The following PKD1L1 variants were observed in gnomAD, a reference collection of about 807,000 sequenced individuals.
PKD1L1 encodes polycystin 1 like 1, transient receptor potential channel interacting.
In PKD1L1, 236 loss-of-function variants were observed where a neutral mutation model predicts 323.4. The ratio of observed to expected loss-of-function variants is 0.73; its 90% CI spans 0.66 to 0.81. PKD1L1 has a LOEUF of 0.81. Ranked by LOEUF, PKD1L1 falls within the 40% of genes least tolerant of loss-of-function variation. The probability of loss-of-function intolerance (pLI) is 0.00; values close to 1 mark genes in which losing one functional copy is unlikely to be tolerated. For missense variants in PKD1L1, 3,320 were observed against 3,508.0 expected, an observed-to-expected ratio of 0.95 and a Z score of 1.35; for synonymous variants, 1,344 against 1,335.0, an observed-to-expected ratio of 1.01 and a Z score of -0.15.
chr7:47,813,012 G>T, intron 49 of PKD1L1, 109 bp downstream of exon 49: 2 of 1,362,980 alleles, frequency 1.5e-6, no homozygotes, highest in Non-Finnish European at 1.0e-6. Flanking sequence ...TGACCTCGCA[G>T]GCCTGTCAGG....
At chr7:47,876,300 C>T (rs1449271001) in intron 22 of PKD1L1, 83 bp from the exon 23 acceptor site, 1 of 1,459,786 alleles carries the variant, frequency 6.9e-7, no homozygotes, top group Non-Finnish European at 9.4e-7. Flanking sequence ...CACAGCTGAG[C>T]CTTCATTGTA....
Position 47,881,917 on chromosome 7 carries a change from G to A in PKD1L1, c.3434C>T (p.Ser1145Leu), listed in dbSNP as rs1367941416. ...LLGRAVFQGY[S>L]SSGITEQTVT... The stretch of plus-strand genomic sequence containing the variant: ...AAAGAGGACATTCATACCTGAGGAT[G>A]AATAGCCTTGGAAAACTGCTCGACC... The change falls in exon 20 of 57, where the codon TCA (serine) becomes TTA (leucine). Residue 1145 changes from serine to leucine, a missense_variant. Coordinates refer to ENST00000289672, the MANE Select transcript of PKD1L1 (RefSeq NM_138295.5). 3 of 1,595,938 alleles carry A rather than the reference G, an allele frequency of 1.9e-6. No homozygotes were observed. The highest frequency in any genetic ancestry group is 1.7e-6 in the Non-Finnish European group (2 of 1,173,850).
At chr7:47,818,430 T>G (rs1193967218) in intron 46 of PKD1L1, among the ~76,000 whole-genome samples, 1 of 152,260 alleles carries the variant, frequency 6.6e-6, no homozygotes, top group African/African-American at 2.4e-5. Flanking sequence ...TTTTAAAGAA[T>G]AAAGTATAGA....
chr7:47,824,845 CA>C (rs934981955), intron 45 of PKD1L1, among the ~76,000 whole-genome samples: 2 of 152,186 alleles, frequency 1.3e-5, no homozygotes, highest in African/African-American at 4.8e-5. Flanking sequence ...GTCCCTCCAG[CA>C]AGACGTGTGG....
intron 50 of PKD1L1, 87 bp from the exon 51 acceptor site, chr7:47,809,664 G>C: frequency 2.1e-6 from 2 of 931,186 alleles, no homozygotes; most frequent in Non-Finnish European, 3.1e-6. Flanking sequence ...CAGCTCCCCT[G>C]CCAATCACCT....
In PKD1L1 at chr7:47,839,658, G is replaced by A. The variant is rs1002732318; in HGVS notation, c.5557C>T (p.Pro1853Ser). The A allele has an allele frequency of 1.3e-5, 20 of 1,564,074 alleles. No individual in the cohort carries two copies. Among genetic ancestry groups the A allele is most frequent in the Admixed American group, 7.6e-5 (4 of 52,822 alleles). The change falls in exon 36 of 57, where the codon CCT (proline) becomes TCT (serine). Residue 1853 changes from proline to serine, a missense_variant. Physicochemically the swap from Pro to Ser is moderately conservative, Grantham distance 74 (BLOSUM62 -1). Transcript: ENST00000289672. The surrounding 1 kb of genome is among the most constrained non-coding windows in gnomAD (Gnocchi z 4.3). ...NSRHTFILSA[P>S]AQLGLLRKIR... The stretch of plus-strand genomic sequence containing the variant: ...TTCCTCAGCAGGCCCAGTTGGGCAG[G>A]AGCGCTGGAGGCACACACAGCAGCA...
intron 31 of PKD1L1, among the ~76,000 whole-genome samples, chr7:47,848,886 C>T (rs1274944519): frequency 6.6e-6 from 1 of 152,112 alleles, no homozygotes; most frequent in Admixed American, 6.5e-5. Flanking sequence ...AATCACATAG[C>T]CAAAGCAATA....
intron 9 of PKD1L1, 119 bp from the exon 10 acceptor site, chr7:47,906,081 T>A: frequency 9.8e-7 from 1 of 1,022,606 alleles, no homozygotes; most frequent in Non-Finnish European, 1.4e-6. Flanking sequence ...TCAATAAATT[T>A]CAAAATTCTA....
At chr7:47,834,479 T>C (rs908812062) in intron 39 of PKD1L1, 94 bp from the exon 40 acceptor site, 10 of 980,560 alleles carry the variant, frequency 1.0e-5, no homozygotes, top group Non-Finnish European at 1.4e-5. Flanking sequence ...CACTACTTTC[T>C]TCAGCAAATA....
rs752946939 is a variant in PKD1L1, at chr7:47,908,234, G to C, written c.1245C>G (p.Leu415=). Residue 415 remains leucine (L), a synonymous_variant, in exon 9 of 57, where the codon CTC becomes CTG. Coordinates refer to ENST00000289672, the MANE Select transcript of PKD1L1 (RefSeq NM_138295.5). ...SAFVTKGVYM[L]KAVIYNEFHG... ...GAAACTCGTTATAAATAACAGCCTT[G>C]AGCATATAGACTCCTTCTGGAAAAA... The C allele has an allele frequency of 3.1e-6, 5 of 1,613,740 alleles. No individual in the cohort carries two copies. The highest frequency in any genetic ancestry group is 2.2e-5 in the East Asian group (1 of 44,892).
At chr7:47,872,495 T>C (rs569281920) in intron 24 of PKD1L1, among the ~76,000 whole-genome samples, 1 of 152,204 alleles carries the variant, frequency 6.6e-6, no homozygotes, top group South Asian at 2.1e-4. Context: ...TTTAATTAGG[T>C]TATCCATTAT....
Position 47,809,572 on chromosome 7 carries a change from G to T in PKD1L1, c.7587C>A (p.Val2529=). 6.3e-7 allele frequency: 1 copy of T among 1,585,504 alleles called. No homozygotes were observed. The highest frequency in any genetic ancestry group is 8.6e-7 in the Non-Finnish European group (1 of 1,168,290). ...GGTGGATCAGGCTGAGTGCCAGGAA[G>T]ACCAGCTGGTGGAGAGAATGTAAAC... The part of the protein sequence containing the change: ...LQYHLMLPQL[V]FLALSLIHLC... Residue 2529 remains valine, a synonymous_variant, in exon 51 of 57, where the codon GTC becomes GTA. Transcript: ENST00000289672.
At position 47,893,799 on chromosome 7, in the gene PKD1L1, C is replaced by T. The variant is rs1342437007; in HGVS notation, c.2453+79G>A. 2.1e-6 allele frequency: 3 copies of T among 1,420,024 alleles called. No individual in the cohort carries two copies. The African/African-American group carries it at 4.3e-5, about 20-fold the overall frequency. The allele number at this position is 1,420,024 out of a possible 1,614,324, so 88.0% of individuals were successfully genotyped here. On this transcript the variant is annotated intron_variant, in intron 15 of 56. Coordinates refer to ENST00000289672, the MANE Select transcript of PKD1L1 (RefSeq NM_138295.5). ...GCTTAAAATTTAAAACTATTAATAGCCTCCAACGTTCCAGAGCCTGCATTT... is the reference window on the plus strand; with the variant it reads ...GCTTAAAATTTAAAACTATTAATAGTCTCCAACGTTCCAGAGCCTGCATTT...
At chr7:47,806,604 C>A (rs1391866969) in intron 52 of PKD1L1, among the ~76,000 whole-genome samples, 1 of 152,356 alleles carries the variant, frequency 6.6e-6, no homozygotes, top group Admixed American at 6.5e-5. Context: ...AAAATAGATA[C>A]ATTCTCTATT....
chr7:47,861,229 A>G (rs11769686), intron 26 of PKD1L1, among the ~76,000 whole-genome samples: 26,138 of 152,272 alleles, frequency 0.17, 2,421 homozygotes, highest in East Asian at 0.37. Context: ...TACAGTTTGT[A>G]TCTTAAGAGG....
intron 49 of PKD1L1, among the ~76,000 whole-genome samples, 176 bp from the exon 50 acceptor site, chr7:47,812,227 A>G (rs562111241): frequency 6.6e-6 from 1 of 152,206 alleles, no homozygotes; most frequent in South Asian, 2.1e-4. Flanking sequence ...AAGAGACCTC[A>G]TCAATAGCCC....
intron 56 of PKD1L1, among the ~76,000 whole-genome samples, chr7:47,780,628 C>CA (rs201158853): frequency 0.29 from 41,516 of 144,574 alleles, 6,003 homozygotes; most frequent in East Asian, 0.58. Context: ...GACTCCACCT[C>CA]AAAAAAAAAA....
At chr7:47,851,695 C>A (rs1317125277) in intron 31 of PKD1L1, among the ~76,000 whole-genome samples, 2 of 152,100 alleles carry the variant, frequency 1.3e-5, no homozygotes, top group South Asian at 2.1e-4. Context: ...AAGCAAATTA[C>A]CAAACTTAGC....
chr7:47,784,836 C>A (rs73103416), intron 56 of PKD1L1, among the ~76,000 whole-genome samples: 13 of 152,082 alleles, frequency 8.5e-5, no homozygotes, highest in African/African-American at 3.1e-4. Flanking sequence ...AAGAAAGTTA[C>A]AAGAGTAATT....
Sources: gnomAD v4.1 joint callset for allele counts (sites outside exome capture counted in the v4.1 genomes callset) on GRCh38, gnomAD v4.1.1 for gene constraint, Gnocchi (gnomAD v3.1) non-coding constraint, MANE v1.5 for transcripts, NCBI Gene and HGNC (gene_info 2026-07-23, HGNC 2026-07-21) for gene names.